ABCA12: variants seen among roughly 807,000 people sequenced by gnomAD.
ABCA12 encodes ATP binding cassette subfamily A member 12.
A neutral mutation model predicts 293.5 loss-of-function variants in ABCA12; 156 were observed. The observed-to-expected ratio is 0.53, with a 90% CI of 0.47 to 0.61. The LOEUF (loss-of-function observed/expected upper bound fraction) is 0.61, where lower values mean the gene tolerates loss of function less well. ABCA12 is among the 20% of genes least tolerant of loss of function. ABCA12 has a pLI of 0.00. For synonymous variants in ABCA12, 1,063 were observed against 1,108.0 expected (o/e 0.96, Z 0.81); for missense variants, 2,797 against 3,090.2 (o/e 0.91, Z 2.25).
At chr2:214,990,459 A>T (rs1229976644) in intron 24 of ABCA12, among the ~76,000 whole-genome samples, 1 of 152,208 alleles carries the variant, frequency 6.6e-6, no homozygotes, top group African/African-American at 2.4e-5. Context: ...TGACATTTTA[A>T]CTGTTCTTTC....
chr2:214,992,391 C>T (rs1433523233), intron 23 of ABCA12, among the ~76,000 whole-genome samples: 3 of 134,058 alleles, frequency 2.2e-5, no homozygotes, highest in East Asian at 2.2e-4. Context: ...TGCAGTGAGC[C>T]GAGATCACAC....
intron 2 of ABCA12, among the ~76,000 whole-genome samples, chr2:215,097,901 A>C (rs1395205412): frequency 6.6e-6 from 1 of 152,210 alleles, no homozygotes; most frequent in African/African-American, 2.4e-5. Flanking sequence ...CTTAAATATC[A>C]GTTCTTGGGT....
intron 3 of ABCA12, among the ~76,000 whole-genome samples, chr2:215,058,245 A>C (rs1294142240): frequency 6.6e-6 from 1 of 151,990 alleles, no homozygotes; most frequent in Admixed American, 6.6e-5. Flanking sequence ...GGTTGTCACA[A>C]CTGTGCGTGG....
intron 44 of ABCA12, 42 bp from the exon 45 acceptor site, chr2:214,951,125 T>C: frequency 6.4e-7 from 1 of 1,554,078 alleles, no homozygotes; most frequent in Non-Finnish European, 8.9e-7. Flanking sequence ...GATTTTGAAA[T>C]GACAGCATTC....
rs373405830 is a variant in ABCA12, at chr2:215,031,792, T to A, written c.1061+29A>T. ...TGATTGTTTATTCAGCCAAGTTATC[T>A]ACCTATTTAGAAATAAACAAAGACT... is the stretch of plus-strand genomic sequence containing the variant. On this transcript the variant is annotated intron_variant, in intron 9 of 52. Transcript: ENST00000272895. 7.4e-6 allele frequency: 12 copies of A among 1,613,242 alleles called. No homozygotes were observed. The African/African-American group carries it at 1.5e-4, about 20-fold the overall frequency.
At chr2:214,947,587 C>A (rs781732646) in intron 47 of ABCA12, 31 bp from the exon 48 acceptor site, 18 of 1,612,562 alleles carry the variant, frequency 1.1e-5, no homozygotes, top group Non-Finnish European at 1.5e-5. Context: ...GTTAGGTTGA[C>A]CTTCCTGTGC....
intron 1 of ABCA12, among the ~76,000 whole-genome samples, chr2:215,119,883 TAAAAC>T (rs1702769262): frequency 6.6e-6 from 1 of 152,002 alleles, no homozygotes; most frequent in African/African-American, 2.4e-5. Flanking sequence ...CAAAAAAACT[TAAAAC>T]AAAGCTACCA....
At chr2:214,941,187 G>T (rs767930618) in intron 50 of ABCA12, among the ~76,000 whole-genome samples, 6 of 152,126 alleles carry the variant, frequency 3.9e-5, no homozygotes, top group African/African-American at 7.2e-5. Context: ...TGGTTTCAAA[G>T]AACTTATTTA....
At chr2:214,943,198 C>A (rs1369935893) in intron 49 of ABCA12, among the ~76,000 whole-genome samples, 181 bp from the exon 50 acceptor site, 1 of 152,104 alleles carries the variant, frequency 6.6e-6, no homozygotes, top group Non-Finnish European at 1.5e-5. Context: ...AGTGCAGTGG[C>A]TTGAACATGG....
chr2:215,069,992 A>C (rs1418682590), intron 2 of ABCA12, among the ~76,000 whole-genome samples: 2 of 152,226 alleles, frequency 1.3e-5, no homozygotes, highest in African/African-American at 4.8e-5. Context: ...GGGGAGTCCG[A>C]GGAAGACTGC....
intron 24 of ABCA12, among the ~76,000 whole-genome samples, chr2:214,990,111 G>A (rs1386183144): frequency 6.6e-6 from 1 of 152,150 alleles, no homozygotes; most frequent in Non-Finnish European, 1.5e-5. Flanking sequence ...AGTTGTCAAT[G>A]CTAGATAAAG....
At position 214,958,268 on chromosome 2, in the gene ABCA12, G is replaced by T. The variant is rs770554001; in HGVS notation, c.6117+9C>A. On this transcript the variant is annotated intron_variant, in intron 41 of 52. Transcript: ENST00000272895. ...TTATTCCCTGCAATGAAGGACATAA[G>T]TTACTCACCATGTCATAAATGAAGT... 1 of 1,613,742 alleles carries T rather than the reference G, an allele frequency of 6.2e-7. No homozygotes were observed.
At chr2:214,961,144 A>C (rs1037861861) in intron 39 of ABCA12, among the ~76,000 whole-genome samples, 1 of 152,068 alleles carries the variant, frequency 6.6e-6, no homozygotes, top group African/African-American at 2.4e-5. Flanking sequence ...ATTAAGAAAC[A>C]ATAAAAGTAA....
chr2:214,976,113 T>G (rs1574955284), intron 33 of ABCA12, 76 bp from the exon 34 acceptor site: 2 of 1,556,186 alleles, frequency 1.3e-6, no homozygotes, highest in Admixed American at 3.5e-5. Context: ...AAACTATATA[T>G]AAATGGTATA....
chr2:215,138,111 C>T (rs1396247294), intron 1 of ABCA12, 29 bp downstream of exon 1: 3 of 1,608,564 alleles, frequency 1.9e-6, no homozygotes, highest in Admixed American at 1.7e-5. Context: ...GCCCCATGAC[C>T]CATACTCCCA....
Position 215,011,475 on chromosome 2 carries a change from G to T in ABCA12, c.2296C>A (p.Gln766Lys), listed in dbSNP as rs772046102. ...GGAATTCCATATTTTGAAGCAATTT[G>T]CTCTTTAGTTAATTTATAAGTCAAA... ...DFLTYKLTKE[Q>K]IASKYGIPIN... The change falls in exon 17 of 53, where the codon CAA becomes AAA. Residue 766 changes from glutamine to lysine, a missense_variant. Transcript: ENST00000272895. 2.5e-6 allele frequency: 4 copies of T among 1,613,894 alleles called. No homozygotes were observed. Among genetic ancestry groups the T allele is most frequent in the Non-Finnish European group, 2.5e-6 (3 of 1,179,834 alleles).
In ABCA12 at chr2:214,932,395, C is replaced by T. The variant is rs1453261554; in HGVS notation, c.*239G>A. 7.8e-6 allele frequency: 4 copies of T among 509,780 alleles called. No individual in the cohort carries two copies. Among genetic ancestry groups the T allele is most frequent in the Non-Finnish European group, 1.4e-5 (4 of 282,668 alleles). The allele number at this position is 509,780 out of a possible 1,614,324, so 31.6% of individuals were successfully genotyped here. A position where few individuals can be genotyped will look rare whatever the true frequency, so the allele number is the denominator to read the frequency against. Reference sequence around the variant, plus strand: ...TTTGCATAAGAATCACCAGCATATACATTAGCATGCTCACAGTGTTGAGTA... The same window carrying T: ...TTTGCATAAGAATCACCAGCATATATATTAGCATGCTCACAGTGTTGAGTA... On this transcript the variant is annotated 3_prime_UTR_variant, in exon 53 of 53. Coordinates refer to ENST00000272895, the MANE Select transcript of ABCA12 (RefSeq NM_173076.3).
intron 4 of ABCA12, among the ~76,000 whole-genome samples, 200 bp from the exon 5 acceptor site, chr2:215,052,784 G>T (rs980267338): frequency 1.3e-5 from 2 of 152,050 alleles, no homozygotes; most frequent in Non-Finnish European, 2.9e-5. Flanking sequence ...AAATTGTGAT[G>T]ACTTTGGTCT....
chr2:215,096,142 C>T (rs1483022548), intron 2 of ABCA12, among the ~76,000 whole-genome samples: 1 of 152,124 alleles, frequency 6.6e-6, no homozygotes, highest in Non-Finnish European at 1.5e-5. Flanking sequence ...TTTATTGAGC[C>T]CTTACTATAT....
Sources: gnomAD v4.1 joint callset for allele counts (sites outside exome capture counted in the v4.1 genomes callset) on GRCh38, gnomAD v4.1.1 for gene constraint, MANE v1.5 for transcripts, NCBI Gene and HGNC (gene_info 2026-07-23, HGNC 2026-07-21) for gene names.